Variants in ALMS1 observed in about 807,000 individuals in gnomAD.
ALMS1 encodes centrosome-associated protein ALMS1.
ALMS1 carries 271 observed loss-of-function variants against 352.2 expected under a neutral mutation model. The observed-to-expected ratio is 0.77, with a 90% CI of 0.70 to 0.85. The LOEUF is 0.85. Among genes scored for constraint, ALMS1 ranks in the 40% least tolerant of loss-of-function variants. The probability of loss-of-function intolerance (pLI) is 0.00; values close to 1 mark genes in which losing one functional copy is unlikely to be tolerated. For missense variants in ALMS1, 5,445 were observed against 4,870.7 expected, an observed-to-expected ratio of 1.12 and a Z score of -3.51; for synonymous variants, 1,865 against 1,761.2, an observed-to-expected ratio of 1.06 and a Z score of -1.48.
intron 16 of ALMS1, among the ~76,000 whole-genome samples, chr2:73,575,397 C>T (rs1558700789): frequency 6.6e-6 from 1 of 152,202 alleles, no homozygotes; most frequent in Non-Finnish European, 1.5e-5. Context: ...CAACCCTCCT[C>T]CTTTTTTCCA....
At chr2:73,581,725 T>TA (rs1345938007) in intron 16 of ALMS1, among the ~76,000 whole-genome samples, 1 of 152,072 alleles carries the variant, frequency 6.6e-6, no homozygotes, top group Non-Finnish European at 1.5e-5. Context: ...ACCATCAAAA[T>TA]AACTAGAGTG....
At chr2:73,582,021 C>T (rs907418826) in intron 16 of ALMS1, among the ~76,000 whole-genome samples, 5 of 152,264 alleles carry the variant, frequency 3.3e-5, no homozygotes, top group East Asian at 1.9e-4. Context: ...GGATTACAGG[C>T]GTGAGCCACT....
At position 73,453,932 on chromosome 2, in the gene ALMS1, G is replaced by T. The variant is rs373586405; in HGVS notation, c.7405G>T (p.Glu2469Ter). 1.9e-6 allele frequency: 3 copies of T among 1,614,106 alleles called. No homozygotes were observed. Among genetic ancestry groups the T allele is most frequent in the Non-Finnish European group, 2.5e-6 (3 of 1,180,016 alleles). The change falls in exon 8 of 23, where the codon GAG becomes TAG. Residue 2469 changes from glutamate to a stop codon, truncating the protein, a stop_gained. Transcript: ENST00000613296. LOFTEE classifies it high-confidence loss of function. ...SREEEGVSES[E>*]DGGGSSVDSL... ...GGAGGAAGAGGGTGTGTCAGAGAGT[G>T]AGGATGGTGGTGGTAGCAGTGTAGA...
intron 9 of ALMS1, among the ~76,000 whole-genome samples, chr2:73,480,597 G>T (rs1272358061): frequency 6.6e-5 from 10 of 151,648 alleles, no homozygotes; most frequent in Non-Finnish European, 1.2e-4. Context: ...ACCCAGTAAT[G>T]GGATGGCTGG....
At chr2:73,421,101 A>G (rs1205634886) in intron 3 of ALMS1, among the ~76,000 whole-genome samples, 1 of 152,116 alleles carries the variant, frequency 6.6e-6, no homozygotes, top group East Asian at 1.9e-4. Flanking sequence ...TAGCAAATAC[A>G]TTTGCCTATT....
intron 16 of ALMS1, among the ~76,000 whole-genome samples, chr2:73,596,852 CTCTACCTCTTT>C (rs1675559810): frequency 7.1e-6 from 1 of 139,870 alleles, no homozygotes; most frequent in African/African-American, 2.6e-5. Flanking sequence ...AATATAAGCC[CTCTACCTCTTT>C]TTTTTTTTTT....
rs748193431 is a variant in ALMS1, at chr2:73,602,167, C to CTTTTTTTT, written c.12115-15_12115-8dup. 7.2e-7 allele frequency: 1 copy of CTTTTTTTT among 1,391,612 alleles called. No homozygotes were observed. The highest frequency in any genetic ancestry group is 9.9e-7 in the Non-Finnish European group (1 of 1,006,788). 86.2% of individuals were successfully genotyped at this position (1,391,612 alleles called of 1,614,324 possible). A position where few individuals can be genotyped will look rare whatever the true frequency, so the allele number is the denominator to read the frequency against. ...ATTAATCTGAGGCTGGGCATTTTCT[C>CTTTTTTTT]TTTTTTTTTTCTTTTAGGAATCGCT... On this transcript the variant is annotated splice_polypyrimidine_tract_variant and intron_variant, in intron 19 of 22. Coordinates refer to ENST00000613296, the MANE Select transcript of ALMS1 (RefSeq NM_001378454.1).
chr2:73,408,517 A>G, intron 1 of ALMS1, 105 bp from the exon 2 acceptor site: 1 of 1,297,826 alleles, frequency 7.7e-7, no homozygotes, highest in Non-Finnish European at 1.1e-6. Context: ...TATATGTGAA[A>G]GGGCTTTATA....
At chr2:73,560,520 A>G (rs1674635186) in intron 15 of ALMS1, among the ~76,000 whole-genome samples, 2 of 152,194 alleles carry the variant, frequency 1.3e-5, no homozygotes, top group Non-Finnish European at 2.9e-5. Context: ...TTAGTATATG[A>G]TCCCGCAATC....
chr2:73,491,133 G>A lies in ALMS1; in HGVS notation c.9174G>A (p.Lys3058=), dbSNP rs773703427. ...HITLCPKTSS[K]LDSGTLDERF... ...CTCTTTGTCCCAAGACTTCTTCCAA[G>A]TTGGATAGTGGAACTTTAGATGAAA... Residue 3058 remains lysine, a synonymous_variant, in exon 10 of 23, where the codon AAG becomes AAA. Coordinates refer to ENST00000613296, the MANE Select transcript of ALMS1 (RefSeq NM_001378454.1). 4 of 1,614,052 alleles carry A rather than the reference G, an allele frequency of 2.5e-6. No homozygotes were observed. Among genetic ancestry groups the A allele is most frequent in the African/African-American group, 2.7e-5 (2 of 74,932 alleles).
chr2:73,490,965 G>C lies in ALMS1; in HGVS notation c.9006G>C (p.Lys3002Asn), dbSNP rs753980616. 13 of 1,614,128 alleles carry C rather than the reference G, an allele frequency of 8.1e-6. No homozygotes were observed. In the Admixed American group the frequency reaches 2.0e-4, roughly 25 times the overall value. The stretch of plus-strand genomic sequence containing the variant: ...TAGTGGAAAAGAATAATCAACATAA[G>C]CCTAAATCACACATTTCTAATATAA... ...DCVVEKNNQH[K>N]PKSHISNINV... is the part of the protein sequence containing the mutation. The change falls in exon 10 of 23, where the codon AAG becomes AAC. Residue 3002 changes from lysine to asparagine, a missense_variant. Lys to Asn is a moderately conservative substitution (Grantham distance 94). Coordinates refer to ENST00000613296, the MANE Select transcript of ALMS1 (RefSeq NM_001378454.1).
At chr2:73,508,224 T>TTTC (rs1558674425) in intron 10 of ALMS1, among the ~76,000 whole-genome samples, 1 of 141,876 alleles carries the variant, frequency 7.0e-6, no homozygotes, top group Non-Finnish European at 1.5e-5. Context: ...TTTTTTTTTT[T>TTTC]CCGAGTCTCA....
Position 73,453,804 on chromosome 2 carries a change from G to T in ALMS1, c.7277G>T (p.Cys2426Phe), listed in dbSNP as rs35649068. The T allele has an allele frequency of 4.3e-5, 69 of 1,614,148 alleles. No individual in the cohort carries two copies. The South Asian group carries it at 7.4e-4, about 17-fold the overall frequency. Reference sequence around the variant, plus strand: ...GATGCCAGTGATGGAAATGGTTCCTGCTCGTGGGACAGTAATTTACCAGAG... The same window carrying T: ...GATGCCAGTGATGGAAATGGTTCCTTCTCGTGGGACAGTAATTTACCAGAG... ...SSDASDGNGS[C>F]SWDSNLPESL... is the part of the protein sequence containing the mutation. Residue 2426 changes from cysteine (C) to phenylalanine (F), a missense_variant, in exon 8 of 23, where the codon TGC (cysteine) becomes TTC (phenylalanine). Cys to Phe is a radical substitution (Grantham distance 205). Coordinates refer to ENST00000613296, the MANE Select transcript of ALMS1 (RefSeq NM_001378454.1).
In ALMS1 at chr2:73,453,613, T is replaced by C. The variant is rs1170522128; in HGVS notation, c.7086T>C (p.Pro2362=). 1 of 1,613,892 alleles carries C rather than the reference T, an allele frequency of 6.2e-7. No individual in the cohort carries two copies. The highest frequency in any genetic ancestry group is 8.5e-7 in the Non-Finnish European group (1 of 1,180,002). Residue 2362 remains proline (P), a synonymous_variant, in exon 8 of 23, where the codon CCT becomes CCC. Coordinates refer to ENST00000613296, the MANE Select transcript of ALMS1 (RefSeq NM_001378454.1). The stretch of plus-strand genomic sequence containing the variant: ...TTAGTTCAACTACAGTTAGAAGTCC[T>C]CTACAGGAAGCAGAGAGCAAAGTCA... The part of the protein sequence containing the change: ...EFISSTTVRS[P]LQEAESKVSM...
intron 10 of ALMS1, among the ~76,000 whole-genome samples, chr2:73,495,232 G>T (rs763331494): frequency 1.8e-4 from 27 of 151,962 alleles, no homozygotes; most frequent in Admixed American, 3.9e-4. Flanking sequence ...TGTTGTTGTT[G>T]TTGTTGTTTT....
rs145784578 is a variant in ALMS1, at chr2:73,434,758, T to A, written c.1432+2467T>A. 9.3e-3 allele frequency among the ~76,000 whole-genome samples: 1,417 copies of A among 152,344 alleles called. 28 individuals carry two copies. Among genetic ancestry groups the A allele is most frequent in the African/African-American group, 0.032 (1,344 of 41,584 alleles). On this transcript the variant is annotated intron_variant, in intron 7 of 22. Coordinates refer to ENST00000613296, the MANE Select transcript of ALMS1 (RefSeq NM_001378454.1). ...AGATTTGCTTCACATATTTTGACAT[T>A]ATGATGTTAGATCCATATATGTTTA...
At chr2:73,456,207 C>T (rs1572940485) in intron 9 of ALMS1, among the ~76,000 whole-genome samples, 1 of 152,052 alleles carries the variant, frequency 6.6e-6, no homozygotes, top group African/African-American at 2.4e-5. Context: ...TTTTCCTTCT[C>T]TTCAGTATGG....
rs1671845179 is a variant in ALMS1, at chr2:73,448,163, C to T, written c.1636C>T (p.His546Tyr). The change falls in exon 8 of 23, where the codon CAT becomes TAT. Residue 546 changes from histidine to tyrosine, a missense_variant. His to Tyr is a moderately conservative substitution (Grantham distance 83). Coordinates refer to ENST00000613296, the MANE Select transcript of ALMS1 (RefSeq NM_001378454.1). Reference sequence around the variant, plus strand: ...CAACCAAAAGACATTAGCAGATACTCATCTAACTGAAGAGACTCTGAAAGT... The same window carrying T: ...CAACCAAAAGACATTAGCAGATACTTATCTAACTGAAGAGACTCTGAAAGT... ...TLNQKTLADT[H>Y]LTEETLKVTA... The T allele has an allele frequency of 1.2e-6, 2 of 1,613,936 alleles. No individual in the cohort carries two copies. The highest frequency in any genetic ancestry group is 2.7e-5 in the African/African-American group (2 of 74,920).
chr2:73,461,125 TG>T (rs1376859197), intron 9 of ALMS1, among the ~76,000 whole-genome samples: 1 of 152,206 alleles, frequency 6.6e-6, no homozygotes, highest in African/African-American at 2.4e-5. Flanking sequence ...GATGTGAGAA[TG>T]GGCAGACTGC....
Sources: allele counts gnomAD v4.1 joint callset (sites outside exome capture counted in the v4.1 genomes callset), GRCh38; gene constraint gnomAD v4.1.1; transcripts MANE v1.5; gene names NCBI Gene and HGNC (gene_info 2026-07-23, HGNC 2026-07-21).